The following MTA3 variants were observed in gnomAD, a reference collection of about 807,000 sequenced individuals.
MTA3 encodes metastasis-associated protein MTA3.
A neutral mutation model predicts 83.5 loss-of-function variants in MTA3; 34 were observed. That is an observed-to-expected ratio of 0.41 (90% CI 0.31 to 0.54). The LOEUF (loss-of-function observed/expected upper bound fraction) is 0.54, where lower values mean the gene tolerates loss of function less well. MTA3 is among the 20% of genes least tolerant of loss of function. The pLI, the probability that MTA3 is intolerant of heterozygous loss-of-function variation, is 0.33. For missense variants in MTA3, 761 were observed against 726.4 expected, an observed-to-expected ratio of 1.05 and a Z score of -0.55; for synonymous variants, 303 against 252.7, an observed-to-expected ratio of 1.20 and a Z score of -1.89.
At chr2:42,572,136 G>A (rs556756137) in intron 2 of MTA3, among the ~76,000 whole-genome samples, 3 of 151,888 alleles carry the variant, frequency 2.0e-5, no homozygotes, top group East Asian at 3.9e-4. Flanking sequence ...AAAATTAGCC[G>A]GGCATGGTGG....
Position 42,625,331 on chromosome 2 carries a change from C to T in MTA3, c.318-14842C>T, listed in dbSNP as rs947294334. Reference sequence around the variant, plus strand: ...ACAGGCGTGAGCCACCGTGCCTGGCCGTTTTCTCATATTTTCCATTTTTCT... The same window carrying T: ...ACAGGCGTGAGCCACCGTGCCTGGCTGTTTTCTCATATTTTCCATTTTTCT... On this transcript the variant is annotated intron_variant, in intron 4 of 16. Transcript: ENST00000405094. 1.3e-4 allele frequency among the ~76,000 whole-genome samples: 20 copies of T among 151,748 alleles called. 2 individuals are homozygous for T. The highest frequency in any genetic ancestry group is 4.4e-4 in the African/African-American group (18 of 41,124).
rs371214718 is a variant in MTA3, at chr2:42,665,534, C to T, written c.702+5672C>T. Among the ~76,000 whole-genome samples the T allele has an allele frequency of 2.6e-5, 4 of 152,226 alleles. No homozygotes were observed. In the East Asian group the frequency reaches 5.8e-4, roughly 22 times the overall value. On this transcript the variant is annotated intron_variant, in intron 8 of 16. Transcript: ENST00000405094. Reference sequence around the variant, plus strand: ...GCAGTGAGTTAGTTGATGGAAGTTACAGCTTCTGACTCCCTGTTTGGTGGT... The same window carrying T: ...GCAGTGAGTTAGTTGATGGAAGTTATAGCTTCTGACTCCCTGTTTGGTGGT...
chr2:42,646,359 A>C (rs1688186347), intron 6 of MTA3, among the ~76,000 whole-genome samples: 1 of 152,200 alleles, frequency 6.6e-6, no homozygotes, highest in Admixed American at 6.5e-5. Flanking sequence ...TATTATTAAG[A>C]AATAACATCA....
At chr2:42,610,982 C>CTTTTTTT (rs773889459) in intron 4 of MTA3, among the ~76,000 whole-genome samples, 3 of 136,000 alleles carry the variant, frequency 2.2e-5, no homozygotes, top group African/African-American at 8.1e-5. Context: ...CTTTTCTTTT[C>CTTTTTTT]TTTTTTTTTT....
intron 16 of MTA3, among the ~76,000 whole-genome samples, chr2:42,749,969 T>A (rs1236749481): frequency 6.6e-6 from 1 of 152,128 alleles, no homozygotes; most frequent in Non-Finnish European, 1.5e-5. Context: ...AGGATATTAA[T>A]GATAGTGGCT....
chr2:42,568,159 C>T (rs1388876909), upstream of MTA3: 2 of 152,398 alleles, frequency 1.3e-5, no homozygotes, highest in African/African-American at 4.8e-5. Flanking sequence ...TATTTGCATC[C>T]AAGAGTTTGC....
At chr2:42,562,115 C>T (rs1358615401) in intron 2 of MTA3, among the ~76,000 whole-genome samples, 3 of 152,188 alleles carry the variant, frequency 2.0e-5, no homozygotes, top group Admixed American at 2.0e-4. Flanking sequence ...CTTCACAGGG[C>T]TGCCCCCTTT....
At chr2:42,509,353 C>G (rs548394732) in intron 2 of MTA3, among the ~76,000 whole-genome samples, 3 of 152,154 alleles carry the variant, frequency 2.0e-5, no homozygotes, top group Admixed American at 2.0e-4. Flanking sequence ...TCACCTGTTA[C>G]TTATTTACCG....
chr2:42,722,945 C>G lies in MTA3; in HGVS notation c.1669C>G (p.Pro557Ala). Residue 557 changes from proline to alanine, a missense_variant, in exon 16 of 17, where the codon CCA becomes GCA. By Grantham distance (27) the Pro-to-Ala change is conservative. Coordinates refer to ENST00000405094, the MANE Select transcript of MTA3 (RefSeq NM_001330442.2). Reference sequence around the variant, plus strand: ...TCGATCTACACCAAGCCTGCAAACCCCAACTACCAAGCGGATGCTAACAAC... The same window carrying G: ...TCGATCTACACCAAGCCTGCAAACCGCAACTACCAAGCGGATGCTAACAAC... The part of the protein sequence containing the change: ...VIRSTPSLQT[P>A]TTKRMLTTPN... 3 of 1,551,174 alleles carry G rather than the reference C, an allele frequency of 1.9e-6. No individual in the cohort carries two copies. The highest frequency in any genetic ancestry group is 2.6e-6 in the Non-Finnish European group (3 of 1,147,124).
intron 3 of MTA3, among the ~76,000 whole-genome samples, chr2:42,603,352 A>G (rs1682819763): frequency 6.6e-6 from 1 of 152,142 alleles, no homozygotes; most frequent in African/African-American, 2.4e-5. Context: ...TTGGTGCTAG[A>G]TAATTTGGTT....
intron 15 of MTA3, among the ~76,000 whole-genome samples, chr2:42,721,786 G>T (rs1170045233): frequency 6.6e-6 from 1 of 152,130 alleles, no homozygotes; most frequent in Non-Finnish European, 1.5e-5. Context: ...ATGAACAAAG[G>T]CTTCAGTGAG....
chr2:42,709,208 T>G, intron 14 of MTA3, 112 bp downstream of exon 14: 4 of 1,458,440 alleles, frequency 2.7e-6, no homozygotes, highest in East Asian at 5.0e-5. Flanking sequence ...TAAGTTCTTG[T>G]GTACAGCCTT....
At chr2:42,609,156 G>C (rs542421474) in intron 3 of MTA3, among the ~76,000 whole-genome samples, 1 of 150,290 alleles carries the variant, frequency 6.7e-6, no homozygotes, top group Admixed American at 6.7e-5. Context: ...TCAGCCTCCC[G>C]AGTAGCTGGG....
chr2:42,641,185 G>A (rs1355871256), intron 5 of MTA3, among the ~76,000 whole-genome samples: 1 of 150,530 alleles, frequency 6.6e-6, no homozygotes, highest in African/African-American at 2.4e-5. Context: ...GGGATCAGAG[G>A]CATGAGCCAC....
At chr2:42,667,586 G>GTGTT (rs1558562263) in intron 8 of MTA3, among the ~76,000 whole-genome samples, 1 of 129,936 alleles carries the variant, frequency 7.7e-6, no homozygotes, top group Non-Finnish European at 1.6e-5. Context: ...GTGTGTGTGT[G>GTGTT]TGTGTGTGTG....
chr2:42,737,921 A>G (rs563569424), intron 16 of MTA3, among the ~76,000 whole-genome samples: 1 of 152,360 alleles, frequency 6.6e-6, no homozygotes, highest in Non-Finnish European at 1.5e-5. Context: ...TAAAGCTAAT[A>G]TCACAATAAA....
At chr2:42,607,696 A>G (rs1314428842) in intron 3 of MTA3, among the ~76,000 whole-genome samples, 1 of 152,150 alleles carries the variant, frequency 6.6e-6, no homozygotes, top group Non-Finnish European at 1.5e-5. Context: ...ATCCACTCTA[A>G]TAATTGATTT....
intron 9 of MTA3, among the ~76,000 whole-genome samples, chr2:42,686,521 T>TA (rs55755916): frequency 0.015 from 2,194 of 148,696 alleles, 51 homozygotes; most frequent in African/African-American, 0.05. Context: ...CTCTGCCTCT[T>TA]AAAAAAAAAA....
intron 3 of MTA3, among the ~76,000 whole-genome samples, chr2:42,580,736 C>T (rs1191610881): frequency 4.6e-5 from 7 of 152,072 alleles, no homozygotes; most frequent in Non-Finnish European, 2.9e-5. Context: ...GCTGGGATTA[C>T]AGGCATGCAC....
Sources: gnomAD v4.1 joint callset for allele counts (sites outside exome capture counted in the v4.1 genomes callset) on GRCh38, gnomAD v4.1.1 for gene constraint, MANE v1.5 for transcripts, NCBI Gene and HGNC (gene_info 2026-07-23, HGNC 2026-07-21) for gene names.